JAKMIP1: variants seen among roughly 807,000 people sequenced by gnomAD.
JAKMIP1 encodes the protein janus kinase and microtubule interacting protein 1.
Under a neutral mutation model 113.0 loss-of-function variants are expected in JAKMIP1, and 33 were observed. That is an observed-to-expected ratio of 0.29 (90% CI 0.22 to 0.39). The LOEUF is 0.39. Ranked by LOEUF, JAKMIP1 falls within the 10% of genes least tolerant of loss-of-function variation. The probability of loss-of-function intolerance (pLI) is 1.00; values close to 1 mark genes in which losing one functional copy is unlikely to be tolerated. For missense variants in JAKMIP1, 813 were observed against 1,080.5 expected (o/e 0.75, Z 3.47); for synonymous variants, 480 against 459.9 (o/e 1.04, Z -0.56).
chr4:6,112,696 G>A lies in JAKMIP1; in HGVS notation c.129+26C>T, dbSNP rs547097873. On this transcript the variant is annotated intron_variant, in intron 2 of 20. Transcript: ENST00000409021. Reference sequence around the variant, plus strand: ...CCAAAGGGACATTTGCAGCCCAGCCGCTGCTGAGCTGACGCCAACCCCCAC... The same window carrying A: ...CCAAAGGGACATTTGCAGCCCAGCCACTGCTGAGCTGACGCCAACCCCCAC... 1.6e-5 allele frequency: 26 copies of A among 1,608,630 alleles called. No individual in the cohort carries two copies. The African/African-American group carries it at 1.7e-4, about 11-fold the overall frequency.
At chr4:6,170,760 A>T (rs1724498446) in intron 1 of JAKMIP1, among the ~76,000 whole-genome samples, 1 of 67,268 alleles carries the variant, frequency 1.5e-5, no homozygotes, top group South Asian at 4.8e-4. Flanking sequence ...TCACCACCAC[A>T]TCCCCATCAC....
intron 1 of JAKMIP1, among the ~76,000 whole-genome samples, chr4:6,152,463 G>A (rs368890066): frequency 6.6e-6 from 1 of 152,162 alleles, no homozygotes; most frequent in African/African-American, 2.4e-5. Flanking sequence ...ATAAGGCCTG[G>A]CATTGGAAGA....
chr4:6,153,819 A>C lies in JAKMIP1; in HGVS notation c.-147-40822T>G, dbSNP rs958674118. Among the ~76,000 whole-genome samples, 3 of 152,328 alleles carry C rather than the reference A, an allele frequency of 2.0e-5. No homozygotes were observed. The highest frequency in any genetic ancestry group is 7.2e-5 in the African/African-American group (3 of 41,564). On this transcript the variant is annotated intron_variant, in intron 1 of 20. Transcript: ENST00000409021. This position sits in a 1 kb window ranked among gnomAD's most constrained non-coding sequence, Gnocchi z 4.9. The stretch of plus-strand genomic sequence containing the variant: ...GTTATATTTTCCCTAATGCACACTA[A>C]AGTATTATTAAAATAAATTATGTTT...
At chr4:6,075,193 G>C (rs1277287988) in intron 8 of JAKMIP1, among the ~76,000 whole-genome samples, 2 of 151,270 alleles carry the variant, frequency 1.3e-5, no homozygotes. Context: ...AGGAAAAAAA[G>C]TCTGTATATG....
Position 6,049,972 on chromosome 4 carries a change from C to CTGTCT in JAKMIP1, c.1909-101_1909-100insAGACA. 3.8e-6 allele frequency: 3 copies of CTGTCT among 796,754 alleles called. No homozygotes were observed. Among genetic ancestry groups the CTGTCT allele is most frequent in the Non-Finnish European group, 2.1e-6 (1 of 479,762 alleles). The allele number at this position is 796,754 out of a possible 1,614,324, so 49.4% of individuals were successfully genotyped here. A position where few individuals can be genotyped will look rare whatever the true frequency, so the allele number is the denominator to read the frequency against. ...TTTCCTCTGGACAAGACACCGCGCTCTTTCTTTTCTTTTCTGGCCAAGTTT... is the reference window on the plus strand; with the variant it reads ...TTTCCTCTGGACAAGACACCGCGCTCTGTCTTTTCTTTTCTTTTCTGGCCAAGTTT... On this transcript the variant is annotated intron_variant, in intron 14 of 20. Transcript: ENST00000409021. This position sits in a 1 kb window ranked among gnomAD's most constrained non-coding sequence, Gnocchi z 7.0.
rs1294205760 is a variant in JAKMIP1, at chr4:6,141,518, C to T, written c.-147-28521G>A. 6.6e-6 allele frequency among the ~76,000 whole-genome samples: 1 copy of T among 152,162 alleles called. No individual in the cohort carries two copies. The highest frequency in any genetic ancestry group is 1.5e-5 in the Non-Finnish European group (1 of 68,028). ...GGTAGATGAAACCCTTCCTGGGTTG[C>T]TGCTTTACAAAACAAATATTGACTA... is the stretch of plus-strand genomic sequence containing the variant. On this transcript the variant is annotated intron_variant, in intron 1 of 20. Transcript: ENST00000409021. The surrounding 1 kb of genome is among the most constrained non-coding windows in gnomAD (Gnocchi z 9.4).
At chr4:6,085,782 C>T (rs1180117277) in intron 3 of JAKMIP1, among the ~76,000 whole-genome samples, 153 bp from the exon 4 acceptor site, 2 of 152,226 alleles carry the variant, frequency 1.3e-5, no homozygotes, top group African/African-American at 2.4e-5. Flanking sequence ...AGAGCAAGCA[C>T]AGCCCGCAGC....
rs990057815 is a variant in JAKMIP1, at chr4:6,044,886, G to A, written c.2029-2659C>T. Among the ~76,000 whole-genome samples the A allele has an allele frequency of 6.6e-6, 1 of 152,222 alleles. No homozygotes were observed. The highest frequency in any genetic ancestry group is 2.1e-4 in the South Asian group (1 of 4,832). ...TAGCTGTGGAGGCTCAGTCACTCCT[G>A]GGAGAAACAGCGTTCATGGTTCTGC... On this transcript the variant is annotated intron_variant, in intron 16 of 20. Coordinates refer to ENST00000409021, the MANE Select transcript of JAKMIP1 (RefSeq NM_001099433.2). This position sits in a 1 kb window ranked among gnomAD's most constrained non-coding sequence, Gnocchi z 4.4.
At chr4:6,083,706 T>G (rs892032339) in intron 5 of JAKMIP1, among the ~76,000 whole-genome samples, 1 of 152,010 alleles carries the variant, frequency 6.6e-6, no homozygotes, top group African/African-American at 2.4e-5. Context: ...TTTTCACCAC[T>G]CATTTTTTTC....
rs746944979 is a variant in JAKMIP1 at position 6,105,840 on chromosome 4, G to C, written c.257C>G (p.Ala86Gly). Residue 86 changes from alanine (A) to glycine (G), a missense_variant, in exon 3 of 21, where the codon GCG (alanine) becomes GGG (glycine). Coordinates refer to ENST00000409021, the MANE Select transcript of JAKMIP1 (RefSeq NM_001099433.2). The stretch of plus-strand genomic sequence containing the variant: ...CTGCCGGATGAGCCCCTCGCGCAGC[G>C]CCTGCAGCTCCTTGGTCTTCTCCTC... Reference protein sequence around the residue: ...LHEEKTKELQALREGLIRQHE... With the variant: ...LHEEKTKELQGLREGLIRQHE... 1 of 1,611,548 alleles carries C rather than the reference G, an allele frequency of 6.2e-7. No homozygotes were observed. Among genetic ancestry groups the C allele is most frequent in the South Asian group, 1.1e-5 (1 of 91,076 alleles).
In JAKMIP1 at chr4:6,184,483, C is replaced by A. The variant is rs1726414944; in HGVS notation, c.-148+15770G>T. ...GGGCAAGGCAAGTGCAGTATAAGAG[C>A]CAGGGTGCCTTCCCTCTTCCTCAAG... On this transcript the variant is annotated intron_variant, in intron 1 of 20. Coordinates refer to ENST00000409021, the MANE Select transcript of JAKMIP1 (RefSeq NM_001099433.2). The surrounding 1 kb of genome is among the most constrained non-coding windows in gnomAD (Gnocchi z 4.5). Among the ~76,000 whole-genome samples the A allele has an allele frequency of 6.6e-6, 1 of 152,118 alleles. No individual in the cohort carries two copies. The highest frequency in any genetic ancestry group is 6.5e-5 in the Admixed American group (1 of 15,270).
chr4:6,178,099 C>T lies in JAKMIP1; in HGVS notation c.-148+22154G>A, dbSNP rs980005885. Among the ~76,000 whole-genome samples the T allele has an allele frequency of 1.3e-5, 2 of 152,314 alleles. No homozygotes were observed. Among genetic ancestry groups the T allele is most frequent in the African/African-American group, 2.4e-5 (1 of 41,554 alleles). On this transcript the variant is annotated intron_variant, in intron 1 of 20. Transcript: ENST00000409021. This position sits in a 1 kb window ranked among gnomAD's most constrained non-coding sequence, Gnocchi z 5.5. ...ACGCCCACTTCATGCTTCCTGTCCC[C>T]GACCCTCCTCCCTGGAGGGGAGGGA...
chr4:6,148,144 A>T (rs1381123459), intron 1 of JAKMIP1, among the ~76,000 whole-genome samples: 1 of 152,224 alleles, frequency 6.6e-6, no homozygotes, highest in Non-Finnish European at 1.5e-5. Context: ...CTTTCTGAAG[A>T]TGTCCTGGGT....
rs561099415 is a variant in JAKMIP1, at chr4:6,192,351, G to C, written c.-148+7902C>G. ...ACAGCTCAGCTCCAGGAGGTCCCCT[G>C]GTGGCCTCAGGACAAGTGTATGAGT... On this transcript the variant is annotated intron_variant, in intron 1 of 20. Coordinates refer to ENST00000409021, the MANE Select transcript of JAKMIP1 (RefSeq NM_001099433.2). The surrounding 1 kb of genome is among the most constrained non-coding windows in gnomAD (Gnocchi z 5.0). Among the ~76,000 whole-genome samples the C allele has an allele frequency of 1.3e-5, 2 of 152,276 alleles. No individual in the cohort carries two copies. The highest frequency in any genetic ancestry group is 4.1e-4 in the South Asian group (2 of 4,820).
In JAKMIP1 at chr4:6,183,329, A is replaced by G. The variant is rs185683973; in HGVS notation, c.-148+16924T>C. 7.9e-5 allele frequency among the ~76,000 whole-genome samples: 12 copies of G among 151,824 alleles called. No individual in the cohort carries two copies. The East Asian group carries it at 2.3e-3, about 29-fold the overall frequency. ...CTCCGTCTGTACTAAAAATACAAAA[A>G]TTAGCCGGGCTTGGTGGCGGGTGCC... is the stretch of plus-strand genomic sequence containing the variant. On this transcript the variant is annotated intron_variant, in intron 1 of 20. Coordinates refer to ENST00000409021, the MANE Select transcript of JAKMIP1 (RefSeq NM_001099433.2). The surrounding 1 kb of genome is among the most constrained non-coding windows in gnomAD (Gnocchi z 5.3).
intron 1 of JAKMIP1, among the ~76,000 whole-genome samples, chr4:6,148,182 T>C (rs905550288): frequency 1.3e-5 from 2 of 152,212 alleles, no homozygotes; most frequent in South Asian, 2.1e-4. Flanking sequence ...CTAACTGGAC[T>C]CTCGTGTACC....
intron 12 of JAKMIP1, chr4:6,054,876 C>T: frequency 2.2e-6 from 1 of 456,596 alleles, no homozygotes; most frequent in Non-Finnish European, 4.4e-6. Context: ...AGAGGGGGGC[C>T]CTCTGCCAGG....
At position 6,105,576 on chromosome 4, in the gene JAKMIP1, T is replaced by A; in HGVS notation, c.521A>T (p.Gln174Leu). The change falls in exon 3 of 21, where the codon CAG (glutamine) becomes CTG (leucine). Residue 174 changes from glutamine (Q) to leucine (L), a missense_variant. This residue lies in a region of JAKMIP1 where 540 missense variants were observed against 653.9 expected (regional missense o/e 0.83). Coordinates refer to ENST00000409021, the MANE Select transcript of JAKMIP1 (RefSeq NM_001099433.2). ...QAEEALSNCM[Q>L]ADKTKAADLR... The stretch of plus-strand genomic sequence containing the variant: ...GTCGGCTGCCTTGGTCTTGTCAGCC[T>A]GCATGCAGTTACTGAGCGCCTCCTC... 6.2e-7 allele frequency: 1 copy of A among 1,600,648 alleles called. No individual in the cohort carries two copies. Among genetic ancestry groups the A allele is most frequent in the Non-Finnish European group, 8.5e-7 (1 of 1,173,706 alleles).
chr4:6,063,929 A>G (rs10021485), intron 9 of JAKMIP1, among the ~76,000 whole-genome samples: 6,203 of 152,300 alleles, frequency 0.041, 397 homozygotes, highest in African/African-American at 0.13. Context: ...GGAGACCTGG[A>G]GAAGTGCTCC....
Sources: allele counts gnomAD v4.1 joint callset (sites outside exome capture counted in the v4.1 genomes callset), GRCh38; gene constraint gnomAD v4.1.1; regional missense constraint gnomAD v4.1.1; non-coding constraint Gnocchi (gnomAD v3.1); transcripts MANE v1.5; gene names NCBI Gene and HGNC (gene_info 2026-07-23, HGNC 2026-07-21).